PIGN: variants seen among roughly 807,000 people sequenced by gnomAD.
PIGN encodes the protein GPI ethanolamine phosphate transferase 1.
In PIGN, 117 loss-of-function variants were observed where a neutral mutation model predicts 125.4. The observed-to-expected ratio is 0.93, with a 90% CI of 0.80 to 1.09. The LOEUF (loss-of-function observed/expected upper bound fraction) is 1.09. PIGN is among the 50% of genes least tolerant of loss of function. The pLI, the probability that PIGN is intolerant of heterozygous loss-of-function variation, is 0.00. For missense variants in PIGN, 1,075 were observed against 1,094.9 expected, an observed-to-expected ratio of 0.98 and a Z score of 0.26; for synonymous variants, 392 against 377.8, an observed-to-expected ratio of 1.04 and a Z score of -0.44.
intron 7 of PIGN, 28 bp from the exon 8 acceptor site, chr18:62,148,366 T>C: frequency 1.4e-6 from 2 of 1,383,236 alleles, no homozygotes; most frequent in Non-Finnish European, 1.9e-6. Context: ...GTTAAAAATA[T>C]TTAGTTCATT....
intron 19 of PIGN, among the ~76,000 whole-genome samples, chr18:62,106,444 A>C (rs2034642929): frequency 6.6e-6 from 1 of 151,710 alleles, no homozygotes; most frequent in African/African-American, 2.4e-5. Context: ...CACAGAGTGC[A>C]GACCCCTAAG....
chr18:62,165,704 G>A (rs897495919), intron 1 of PIGN, among the ~76,000 whole-genome samples: 9 of 152,144 alleles, frequency 5.9e-5, no homozygotes, highest in Non-Finnish European at 1.0e-4. Flanking sequence ...GAAGTAGAAG[G>A]AAAACCAGAT....
rs2163518 is a variant in PIGN at position 62,109,778 on chromosome 18, T to C, written c.1574+56A>G. Reference sequence around the variant, plus strand: ...GTACAGAAATCTACTGCATTTTAAATACAGATTTAACTGTCAATGAAGTGA... The same window carrying C: ...GTACAGAAATCTACTGCATTTTAAACACAGATTTAACTGTCAATGAAGTGA... On this transcript the variant is annotated intron_variant, in intron 17 of 30. Transcript: ENST00000640252. The C allele has an allele frequency of 0.36, 524,618 of 1,471,516 alleles. 98,249 individuals carry two copies. The highest frequency in any genetic ancestry group is 0.61 in the East Asian group (26,669 of 43,634). 91.2% of individuals were successfully genotyped at this position (1,471,516 alleles called of 1,614,324 possible). A position where few individuals can be genotyped will look rare whatever the true frequency, so the allele number is the denominator to read the frequency against.
chr18:62,030,297 A>G (rs1428592486), intron 23 of PIGN, among the ~76,000 whole-genome samples: 1 of 152,218 alleles, frequency 6.6e-6, no homozygotes, highest in Non-Finnish European at 1.5e-5. Flanking sequence ...ATCAGGACTC[A>G]GAGGACTTGC....
chr18:62,095,967 C>T lies in PIGN; in HGVS notation c.2078-17G>A, dbSNP rs181210700. 7.3e-6 allele frequency: 11 copies of T among 1,512,736 alleles called. No homozygotes were observed. In the Admixed American group the frequency reaches 1.0e-4, roughly 14 times the overall value. 93.7% of individuals were successfully genotyped at this position (1,512,736 alleles called of 1,614,324 possible). A position where few individuals can be genotyped will look rare whatever the true frequency, so the allele number is the denominator to read the frequency against. Reference sequence around the variant, plus strand: ...AGGAAGAGGCTGCAATGAAACAGAACAGGTCATCTGTCAGTATAAGAGACA... The same window carrying T: ...AGGAAGAGGCTGCAATGAAACAGAATAGGTCATCTGTCAGTATAAGAGACA... On this transcript the variant is annotated splice_polypyrimidine_tract_variant and intron_variant, in intron 22 of 30. Transcript: ENST00000640252.
At chr18:62,064,769 A>T (rs1801813647) in intron 30 of PIGN, among the ~76,000 whole-genome samples, 1 of 152,202 alleles carries the variant, frequency 6.6e-6, no homozygotes, top group South Asian at 2.1e-4. Flanking sequence ...ATCACTGTTT[A>T]ACTTAACCTG....
chr18:62,131,711 T>C (rs954655307), intron 14 of PIGN, among the ~76,000 whole-genome samples: 6 of 152,314 alleles, frequency 3.9e-5, no homozygotes, highest in Admixed American at 3.9e-4. Flanking sequence ...TGTTAGACCC[T>C]TTTACAAGCC....
At chr18:62,039,150 C>T (rs1568105956), downstream of PIGN, among the ~76,000 whole-genome samples, 1 of 151,772 alleles carries the variant, frequency 6.6e-6, no homozygotes, top group African/African-American at 2.4e-5. Context: ...ACTTCTAATG[C>T]ATTTATGTAA....
chr18:62,072,738 A>T lies in PIGN; in HGVS notation c.2620-13T>A, dbSNP rs1240319085. On this transcript the variant is annotated splice_polypyrimidine_tract_variant and intron_variant, in intron 29 of 30. Transcript: ENST00000640252. ...AGAAGAAAAAATGCTGTAAAAAAAA[A>T]AAAAGGCTTAATGAAAAACAAAGCT... 1 of 1,575,386 alleles carries T rather than the reference A, an allele frequency of 6.3e-7. No homozygotes were observed. The highest frequency in any genetic ancestry group is 8.6e-7 in the Non-Finnish European group (1 of 1,163,082).
chr18:62,104,492 T>C lies in PIGN; in HGVS notation c.1859+1051A>G, dbSNP rs186908346. ...TTTGTCATATACTATTTATAGGTTA[T>C]GACAGTTGCAAAATGTTTTTACCTA... On this transcript the variant is annotated intron_variant, in intron 20 of 30. Coordinates refer to ENST00000640252, the MANE Select transcript of PIGN (RefSeq NM_176787.5). Among the ~76,000 whole-genome samples, 18 of 152,326 alleles carry C rather than the reference T, an allele frequency of 1.2e-4. No homozygotes were observed. In the South Asian group the frequency reaches 1.7e-3, roughly 14 times the overall value.
chr18:62,071,863 CATATATATATATATATATATATATAT>C (rs61508545), intron 30 of PIGN, among the ~76,000 whole-genome samples: 2,283 of 77,626 alleles, frequency 0.029, 159 homozygotes, highest in East Asian at 0.15. Flanking sequence ...ACTCCTTTTC[CATATATATATATATATATATATATAT>C]ATATATATAT....
chr18:62,157,753 C>T lies in PIGN; in HGVS notation c.277G>A (p.Glu93Lys), dbSNP rs1281001520. 1 of 1,612,698 alleles carries T rather than the reference C, an allele frequency of 6.2e-7. No individual in the cohort carries two copies. The highest frequency in any genetic ancestry group is 1.7e-5 in the Admixed American group (1 of 59,928). ...WGISHTRVPT[E>K]SRPGHVALIA... ...AGAGCTACATGACCTGGCCGAGATT[C>T]TGTTGGCACACGTGTATGAGATATG... is the stretch of plus-strand genomic sequence containing the variant. Residue 93 changes from glutamate to lysine, a missense_variant, in exon 5 of 31, where the codon GAA becomes AAA. This residue lies in a region of PIGN where 152 missense variants were observed against 162.9 expected (regional missense o/e 0.93). Transcript: ENST00000640252.
chr18:62,172,631 T>C (rs2037381339), intron 1 of PIGN, among the ~76,000 whole-genome samples: 1 of 152,204 alleles, frequency 6.6e-6, no homozygotes, highest in Admixed American at 6.5e-5. Flanking sequence ...AATGCAAATG[T>C]ATATTTGCAT....
At chr18:62,083,971 T>C (rs1014939343) in intron 27 of PIGN, among the ~76,000 whole-genome samples, 6 of 152,116 alleles carry the variant, frequency 3.9e-5, no homozygotes, top group East Asian at 1.9e-4. Context: ...TCAGGCATTA[T>C]GGTAAAGGGA....
rs576092540 is a variant in PIGN, at chr18:62,140,165, AAT to A, written c.1023+253_1023+254del. 4.7e-3 allele frequency among the ~76,000 whole-genome samples: 720 copies of A among 152,226 alleles called. 3 individuals are homozygous for A. Among genetic ancestry groups the A allele is most frequent in the African/African-American group, 0.011 (439 of 41,546 alleles). ...GCATATTTAGAAATAAATATACAGGAATATATAGTTTTAAATGTAATCAAAGA... is the reference window on the plus strand; with the variant it reads ...GCATATTTAGAAATAAATATACAGGAATATAGTTTTAAATGTAATCAAAGA... On this transcript the variant is annotated intron_variant, in intron 12 of 30. Coordinates refer to ENST00000640252, the MANE Select transcript of PIGN (RefSeq NM_176787.5).
chr18:62,086,341 G>A (rs1030622736), intron 25 of PIGN, among the ~76,000 whole-genome samples: 56 of 152,202 alleles, frequency 3.7e-4, no homozygotes, highest in African/African-American at 1.3e-3. Context: ...GAACTGGGCC[G>A]GGTGTAGTGG....
rs893882748 is a variant in PIGN, at chr18:62,043,392, C to T, written c.*2464G>A. Reference sequence around the variant, plus strand: ...TCAAAAAGGAGGAGAAAAGGAGCCCCTAGTCCACCAAAACAAGTGTAAAAA... The same window carrying T: ...TCAAAAAGGAGGAGAAAAGGAGCCCTTAGTCCACCAAAACAAGTGTAAAAA... On this transcript the variant is annotated 3_prime_UTR_variant, in exon 31 of 31. Coordinates refer to ENST00000640252, the MANE Select transcript of PIGN (RefSeq NM_176787.5). 6.6e-6 allele frequency: 1 copy of T among 152,070 alleles called. No homozygotes were observed. The highest frequency in any genetic ancestry group is 1.5e-5 in the Non-Finnish European group (1 of 67,998). The allele number at this position is 152,070 out of a possible 1,614,324, so 9.4% of individuals were successfully genotyped here.
intron 14 of PIGN, among the ~76,000 whole-genome samples, chr18:62,122,239 G>A (rs1412227207): frequency 6.6e-6 from 1 of 151,986 alleles, no homozygotes; most frequent in African/African-American, 2.4e-5. Flanking sequence ...TTAAGGTAAT[G>A]GACATCCAAA....
At chr18:62,140,376 T>A in intron 12 of PIGN, 44 bp downstream of exon 12, 2 of 847,954 alleles carry the variant, frequency 2.4e-6, no homozygotes, top group Non-Finnish European at 1.8e-6. Context: ...TGTGCGATAG[T>A]TTTTTTTTAT....
Sources: gnomAD v4.1 joint callset for allele counts (sites outside exome capture counted in the v4.1 genomes callset) on GRCh38, gnomAD v4.1.1 for gene constraint, gnomAD v4.1.1 regional missense constraint, MANE v1.5 for transcripts, NCBI Gene and HGNC (gene_info 2026-07-23, HGNC 2026-07-21) for gene names.